TMEM272: variants seen among roughly 807,000 people sequenced by gnomAD.
TMEM272 encodes the protein transmembrane protein 272, also known as long intergenic non-protein coding RNA 282.
In TMEM272, 8 loss-of-function variants were observed where a neutral mutation model predicts 3.7. The ratio of observed to expected loss-of-function variants is 2.17; its 90% CI spans 1.27 to 3.91. The LOEUF (loss-of-function observed/expected upper bound fraction) is 3.91, where lower values mean the gene tolerates loss of function less well. Among genes scored for constraint, TMEM272 ranks in the 30% most tolerant of loss-of-function variants. TMEM272 has a pLI of 0.00. For synonymous variants in TMEM272, 63 were observed against 39.8 expected (o/e 1.58, Z -2.20); for missense variants, 166 against 91.5 (o/e 1.81, Z -3.32).
upstream of TMEM272, among the ~76,000 whole-genome samples, chr13:51,845,741 A>G (rs929458593): frequency 2.6e-5 from 4 of 152,236 alleles, no homozygotes; most frequent in African/African-American, 9.6e-5. Context: ...TAGCAGTAGA[A>G]GTTCTCAGCT....
the TMEM272 span, chr13:51,865,874 G>C: frequency 9.9e-6 from 16 of 1,613,486 alleles, no homozygotes; most frequent in African/African-American, 2.1e-4. Flanking sequence ...CCTGTGGGTA[G>C]AGGAAAGAGC....
the TMEM272 span, among the ~76,000 whole-genome samples, chr13:51,861,641 T>G: frequency 6.6e-6 from 1 of 152,114 alleles, no homozygotes; most frequent in African/African-American, 2.4e-5. Flanking sequence ...TCACATAATA[T>G]GAGCCCTAGA....
the TMEM272 span, among the ~76,000 whole-genome samples, chr13:51,869,323 C>T: frequency 6.6e-6 from 1 of 152,092 alleles, no homozygotes; most frequent in Non-Finnish European, 1.5e-5. Context: ...GGACCATGTC[C>T]TAAGTTCTTA....
intron 1 of TMEM272, among the ~76,000 whole-genome samples, chr13:51,843,141 C>A (rs1956276114): frequency 1.3e-5 from 2 of 152,146 alleles, no homozygotes; most frequent in South Asian, 4.1e-4. Context: ...TTTTTGATTG[C>A]CAGTGATATT....
At chr13:51,926,579 C>T in the TMEM272 span, among the ~76,000 whole-genome samples, 2 of 120,058 alleles carry the variant, frequency 1.7e-5, no homozygotes, top group Admixed American at 2.6e-4. Context: ...CCGTGAGAGG[C>T]AAAACAGGTT....
the TMEM272 span, among the ~76,000 whole-genome samples, chr13:51,895,283 G>A: frequency 6.6e-6 from 1 of 152,194 alleles, no homozygotes; most frequent in Admixed American, 6.5e-5. Context: ...GGGAGCTGCA[G>A]AGAACCCATA....
At chr13:51,847,734 C>T (rs769001439), upstream of TMEM272, among the ~76,000 whole-genome samples, 37 of 152,226 alleles carry the variant, frequency 2.4e-4, no homozygotes, top group South Asian at 6.2e-4. Flanking sequence ...TGGGAGCACA[C>T]GGTGACCATA....
At chr13:51,834,359 A>G (rs1335358024) in intron 2 of TMEM272, among the ~76,000 whole-genome samples, 1 of 152,126 alleles carries the variant, frequency 6.6e-6, no homozygotes, top group East Asian at 1.9e-4. Context: ...GACCCCCAAA[A>G]GAGGAAAACG....
At chr13:51,924,694 C>T in the TMEM272 span, among the ~76,000 whole-genome samples, 2 of 152,096 alleles carry the variant, frequency 1.3e-5, no homozygotes, top group African/African-American at 4.8e-5. Context: ...AACAGTGTGG[C>T]CCCACTCAGC....
At chr13:51,832,313 A>G (rs520968) in intron 2 of TMEM272, among the ~76,000 whole-genome samples, 141,091 of 152,266 alleles carry the variant, frequency 0.93, 65,494 homozygotes, top group East Asian at 1. Context: ...GGTAATCTTG[A>G]TAGGAAAAGT....
the TMEM272 span, chr13:51,866,180 C>A: frequency 2.0e-6 from 2 of 1,004,270 alleles, no homozygotes; most frequent in Non-Finnish European, 2.8e-6. Flanking sequence ...ACTCATTGGT[C>A]TCCTTGCTTT....
the TMEM272 span, among the ~76,000 whole-genome samples, chr13:51,914,281 G>A: frequency 3.9e-5 from 6 of 152,154 alleles, no homozygotes; most frequent in Non-Finnish European, 8.8e-5. Flanking sequence ...TGAATAACTC[G>A]ATGAGGTGGG....
chr13:51,924,677 G>A, the TMEM272 span, among the ~76,000 whole-genome samples: 1 of 152,056 alleles, frequency 6.6e-6, no homozygotes. Flanking sequence ...AATTCTGCCT[G>A]TCTCCAAACA....
chr13:51,877,991 T>C, the TMEM272 span, among the ~76,000 whole-genome samples: 8 of 152,228 alleles, frequency 5.3e-5, 1 homozygote, highest in Admixed American at 5.2e-4. Flanking sequence ...AATTTATAAA[T>C]TGCGGTTCCG....
intron 4 of TMEM272, among the ~76,000 whole-genome samples, chr13:51,818,557 C>T (rs1048885317): frequency 2.0e-5 from 3 of 152,140 alleles, no homozygotes; most frequent in Non-Finnish European, 2.9e-5. Flanking sequence ...CTGGGCAAAG[C>T]GCTTGACATA....
chr13:51,902,504 A>C, the TMEM272 span, among the ~76,000 whole-genome samples: 2 of 152,250 alleles, frequency 1.3e-5, no homozygotes, highest in Non-Finnish European at 2.9e-5. Flanking sequence ...TACATTTTAG[A>C]ATATAGGTTT....
the TMEM272 span, chr13:51,932,412 AG>A: frequency 2.0e-5 from 3 of 152,294 alleles, no homozygotes; most frequent in Admixed American, 6.5e-5. Context: ...CCAGCGGGGC[AG>A]GGACTTTGAC....
chr13:51,893,371 G>C, the TMEM272 span, among the ~76,000 whole-genome samples: 16 of 152,310 alleles, frequency 1.1e-4, no homozygotes, highest in East Asian at 2.9e-3. Context: ...TCCCAAATTA[G>C]AAAGTCTGGG....
chr13:51,820,385 T>C (rs1433486461), intron 4 of TMEM272, among the ~76,000 whole-genome samples: 1 of 152,216 alleles, frequency 6.6e-6, no homozygotes, highest in African/African-American at 2.4e-5. Context: ...TCTAATCCTG[T>C]TTGCCGCTGC....
Sources: gnomAD v4.1 joint callset for allele counts (sites outside exome capture counted in the v4.1 genomes callset) on GRCh38, gnomAD v4.1.1 for gene constraint, MANE v1.5 for transcripts, NCBI Gene and HGNC (gene_info 2026-07-23, HGNC 2026-07-21) for gene names.